Variants in SYT1 observed in about 807,000 individuals in gnomAD.
The protein encoded by SYT1 is synaptotagmin 1.
Under a neutral mutation model 44.8 loss-of-function variants are expected in SYT1, and 8 were observed. The observed-to-expected ratio is 0.18, with a 90% CI of 0.10 to 0.32. The LOEUF is 0.32. Among genes scored for constraint, SYT1 ranks in the 10% least tolerant of loss-of-function variants. The pLI, the probability that SYT1 is intolerant of heterozygous loss-of-function variation, is 1.00. For synonymous variants in SYT1, 154 were observed against 188.8 expected, an observed-to-expected ratio of 0.82 and a Z score of 1.51; for missense variants, 286 against 509.3, an observed-to-expected ratio of 0.56 and a Z score of 4.22.
At chr12:79,059,868 T>C (rs1464518108) in intron 3 of SYT1, among the ~76,000 whole-genome samples, 1 of 152,128 alleles carries the variant, frequency 6.6e-6, no homozygotes, top group African/African-American at 2.4e-5. Context: ...TTCATATCTA[T>C]ATTTCATAAA....
At chr12:78,952,482 G>A (rs1592598953) in intron 1 of SYT1, among the ~76,000 whole-genome samples, 1 of 152,054 alleles carries the variant, frequency 6.6e-6, no homozygotes, top group African/African-American at 2.4e-5. Flanking sequence ...TAAATTATAG[G>A]TCCAGTTTGT....
chr12:78,973,540 G>T (rs1164561164), intron 1 of SYT1, among the ~76,000 whole-genome samples: 4 of 152,032 alleles, frequency 2.6e-5, no homozygotes, highest in African/African-American at 7.2e-5. Flanking sequence ...TGTCAAAGGG[G>T]TATCGCCATT....
intron 8 of SYT1, among the ~76,000 whole-genome samples, chr12:79,304,194 A>G (rs924528954): frequency 2.0e-5 from 3 of 152,232 alleles, no homozygotes; most frequent in African/African-American, 7.2e-5. Flanking sequence ...GTGTAATCAC[A>G]GAGGCAAGAA....
chr12:79,167,838 G>T (rs1871304591), intron 3 of SYT1, among the ~76,000 whole-genome samples: 1 of 152,036 alleles, frequency 6.6e-6, no homozygotes, highest in African/African-American at 2.4e-5. Context: ...CTGGGAATGG[G>T]GTGGTTTGGG....
chr12:78,982,303 G>A (rs902822788), intron 2 of SYT1, among the ~76,000 whole-genome samples: 1 of 152,094 alleles, frequency 6.6e-6, no homozygotes, highest in Admixed American at 6.6e-5. Context: ...AATTTTCAGT[G>A]AAATAAAAGT....
At chr12:79,296,357 G>C in intron 7 of SYT1, 121 bp downstream of exon 7, 2 of 1,016,690 alleles carry the variant, frequency 2.0e-6, no homozygotes, top group Non-Finnish European at 2.8e-6. Context: ...AATAATTCCA[G>C]TCAGAATATG....
At chr12:78,920,590 A>AT (rs1342905858) in intron 1 of SYT1, among the ~76,000 whole-genome samples, 4 of 151,912 alleles carry the variant, frequency 2.6e-5, no homozygotes, top group South Asian at 2.1e-4. Flanking sequence ...CTAAATAAGC[A>AT]TTTTTTATTA....
chr12:79,187,179 C>G (rs1450904155), intron 3 of SYT1, among the ~76,000 whole-genome samples: 6 of 151,982 alleles, frequency 3.9e-5, no homozygotes, highest in African/African-American at 9.7e-5. Flanking sequence ...ATATAACTCT[C>G]TCAGCCCATT....
At chr12:79,400,857 A>G (rs1230927547) in intron 9 of SYT1, among the ~76,000 whole-genome samples, 3 of 152,218 alleles carry the variant, frequency 2.0e-5, no homozygotes, top group African/African-American at 7.2e-5. Context: ...AGAACAAAAC[A>G]TCTAATCCCA....
At chr12:79,075,177 T>A (rs1469741301) in intron 3 of SYT1, among the ~76,000 whole-genome samples, 1 of 152,112 alleles carries the variant, frequency 6.6e-6, no homozygotes, top group East Asian at 1.9e-4. Flanking sequence ...ATACTAGGAG[T>A]TCCCCCATCA....
intron 1 of SYT1, among the ~76,000 whole-genome samples, chr12:78,962,790 A>C (rs1592609319): frequency 9.0e-6 from 1 of 111,448 alleles, no homozygotes; most frequent in East Asian, 4.0e-4. Context: ...TGCCACAGCC[A>C]AAAATGATGT....
At chr12:78,955,699 C>T (rs1879174225) in intron 1 of SYT1, 1 of 151,874 alleles carries the variant, frequency 6.6e-6, no homozygotes, top group Admixed American at 6.6e-5. Context: ...GTTTTAGTGT[C>T]ATTGAACTAC....
intron 4 of SYT1, among the ~76,000 whole-genome samples, chr12:79,237,828 C>CTA (rs1876277140): frequency 6.6e-6 from 1 of 152,122 alleles, no homozygotes; most frequent in East Asian, 1.9e-4. Context: ...TTTGCTAACC[C>CTA]TATACACTTA....
intron 9 of SYT1, among the ~76,000 whole-genome samples, chr12:79,391,668 A>G (rs1253091345): frequency 1.3e-5 from 2 of 152,244 alleles, no homozygotes. Flanking sequence ...TCATTGAAAT[A>G]GAATTTTTAG....
At chr12:79,213,439 A>G (rs1874585065) in intron 3 of SYT1, among the ~76,000 whole-genome samples, 1 of 152,224 alleles carries the variant, frequency 6.6e-6, no homozygotes, top group Non-Finnish European at 1.5e-5. Flanking sequence ...CTTTTACTGT[A>G]TAACCTCCTA....
chr12:79,129,740 C>A (rs552717268), intron 3 of SYT1, among the ~76,000 whole-genome samples: 2 of 152,206 alleles, frequency 1.3e-5, no homozygotes, highest in South Asian at 4.2e-4. Context: ...CTTACCAGTA[C>A]CTTTTATCAT....
intron 3 of SYT1, among the ~76,000 whole-genome samples, chr12:79,070,595 T>C (rs1353514679): frequency 6.6e-6 from 1 of 151,864 alleles, no homozygotes; most frequent in Admixed American, 6.6e-5. Flanking sequence ...TTTTCTCTTC[T>C]TTTTTTTCTT....
intron 2 of SYT1, among the ~76,000 whole-genome samples, chr12:79,026,318 G>A (rs940602452): frequency 6.6e-6 from 1 of 151,396 alleles, no homozygotes; most frequent in Non-Finnish European, 1.5e-5. Context: ...AAGGAGGAGT[G>A]CATGTCCTAG....
intron 8 of SYT1, among the ~76,000 whole-genome samples, chr12:79,348,452 T>G (rs1173740085): frequency 1.3e-5 from 2 of 152,180 alleles, no homozygotes; most frequent in Non-Finnish European, 2.9e-5. Context: ...AATAACCCTA[T>G]GAATGAAGGC....
Sources: allele counts gnomAD v4.1 joint callset (sites outside exome capture counted in the v4.1 genomes callset), GRCh38; gene constraint gnomAD v4.1.1; transcripts MANE v1.5; gene names NCBI Gene and HGNC (gene_info 2026-07-23, HGNC 2026-07-21).